CLDN18: variants seen among roughly 807,000 people sequenced by gnomAD.
CLDN18 encodes claudin 18.
Under a neutral mutation model 25.0 loss-of-function variants are expected in CLDN18, and 20 were observed. The ratio of observed to expected loss-of-function variants is 0.80; its 90% CI spans 0.56 to 1.16. The LOEUF (loss-of-function observed/expected upper bound fraction) is 1.16. Ranked by LOEUF, CLDN18 falls within the 50% of genes most tolerant of loss-of-function variation. The pLI is 0.00. For missense variants in CLDN18, 297 were observed against 345.4 expected, an observed-to-expected ratio of 0.86 and a Z score of 1.11; for synonymous variants, 125 against 135.6, an observed-to-expected ratio of 0.92 and a Z score of 0.54.
intron 1 of CLDN18, among the ~76,000 whole-genome samples, chr3:138,022,338 C>T (rs898864143): frequency 4.6e-5 from 7 of 152,152 alleles, no homozygotes; most frequent in Non-Finnish European, 7.3e-5. Context: ...TATTACTACT[C>T]AAAGTAGGGC....
At position 138,032,610 on chromosome 3, in the gene CLDN18, TTTG is replaced by T. The variant is rs1177953817; in HGVS notation, c.*1472_*1474del. 6.6e-6 allele frequency: 1 copy of T among 152,106 alleles called. No homozygotes were observed. Among genetic ancestry groups the T allele is most frequent in the African/African-American group, 2.4e-5 (1 of 41,392 alleles). 9.4% of individuals were successfully genotyped at this position (152,106 alleles called of 1,614,324 possible). ...GCACTTTCCTGGCACTGTGGTCGGT[TTTG>T]TTTTGTTTTGCTTTGTTTAGAGACG... On this transcript the variant is annotated 3_prime_UTR_variant, in exon 5 of 5. Coordinates refer to ENST00000183605, the MANE Select transcript of CLDN18 (RefSeq NM_016369.4).
intron 4 of CLDN18, among the ~76,000 whole-genome samples, chr3:138,030,140 TC>T (rs750173657): frequency 4.6e-5 from 7 of 152,218 alleles, no homozygotes; most frequent in Non-Finnish European, 8.8e-5. Context: ...CCTTCTTTGT[TC>T]CTTCTGAGAT....
chr3:138,028,766 A>G (rs1271439256), intron 3 of CLDN18, among the ~76,000 whole-genome samples: 1 of 152,152 alleles, frequency 6.6e-6, no homozygotes, highest in Non-Finnish European at 1.5e-5. Flanking sequence ...CCCAATCCTG[A>G]TCTGATGTAA....
rs995848686 is a variant in CLDN18 at position 138,033,255 on chromosome 3, C to T, written c.*2114C>T. On this transcript the variant is annotated 3_prime_UTR_variant, in exon 5 of 5. Transcript: ENST00000183605. ...CAAACCAGAGGAAGTATTTGTGGAA[C>T]TCACTGCCTCAGTTTGGGTAAAGGA... 3.3e-5 allele frequency: 5 copies of T among 152,210 alleles called. No homozygotes were observed. Among genetic ancestry groups the T allele is most frequent in the African/African-American group, 1.2e-4 (5 of 41,444 alleles). The allele number at this position is 152,210 out of a possible 1,614,324, so 9.4% of individuals were successfully genotyped here. A position where few individuals can be genotyped will look rare whatever the true frequency, so the allele number is the denominator to read the frequency against.
intron 4 of CLDN18, among the ~76,000 whole-genome samples, chr3:138,030,448 G>A (rs554499891): frequency 6.6e-6 from 1 of 152,326 alleles, no homozygotes; most frequent in South Asian, 2.1e-4. Context: ...TTCTGCTACT[G>A]ACCAGCCCTG....
intron 3 of CLDN18, 72 bp from the exon 4 acceptor site, chr3:138,029,725 A>C: frequency 2.2e-6 from 2 of 895,854 alleles, no homozygotes; most frequent in Admixed American, 2.8e-5. Context: ...AAGAACAGGC[A>C]CAGCCAGGTG....
chr3:138,017,412 TAC>T (rs1942219114), intron 1 of CLDN18, among the ~76,000 whole-genome samples: 1 of 152,134 alleles, frequency 6.6e-6, no homozygotes. Flanking sequence ...ACTGGAGAGT[TAC>T]AGAGTTTCCT....
intron 1 of CLDN18, among the ~76,000 whole-genome samples, chr3:138,023,436 G>A (rs1942291631): frequency 6.6e-6 from 1 of 152,212 alleles, no homozygotes; most frequent in African/African-American, 2.4e-5. Flanking sequence ...ACATCTGAGT[G>A]CATGTCCTTC....
intron 1 of CLDN18, among the ~76,000 whole-genome samples, chr3:138,001,744 C>A (rs1942018282): frequency 6.6e-6 from 1 of 152,034 alleles, no homozygotes; most frequent in African/African-American, 2.4e-5. Flanking sequence ...ATTATAGAAG[C>A]CCTTTTAAAA....
chr3:138,002,764 T>C (rs778771028), intron 1 of CLDN18, among the ~76,000 whole-genome samples: 2 of 152,208 alleles, frequency 1.3e-5, no homozygotes, highest in South Asian at 2.1e-4. Flanking sequence ...GTCACCTTCC[T>C]GGGCAAAGTC....
chr3:138,006,979 G>T (rs1208218495), upstream of CLDN18, among the ~76,000 whole-genome samples: 1 of 151,572 alleles, frequency 6.6e-6, no homozygotes, highest in Admixed American at 6.6e-5. Context: ...TAGGGAAACT[G>T]GGGGGGGAAT....
chr3:138,026,042 C>A (rs1217498350), intron 3 of CLDN18, among the ~76,000 whole-genome samples: 4 of 152,208 alleles, frequency 2.6e-5, no homozygotes, highest in African/African-American at 9.6e-5. Flanking sequence ...CATGGATGGG[C>A]AGCTGTCTTT....
chr3:138,001,584 CGCCCAG>C (rs1259714781), intron 1 of CLDN18, among the ~76,000 whole-genome samples: 1 of 152,102 alleles, frequency 6.6e-6, no homozygotes, highest in Non-Finnish European at 1.5e-5. Flanking sequence ...CAAGGTGATT[CGCCCAG>C]GCTCAAAGAT....
chr3:138,026,683 T>C (rs9809036), intron 3 of CLDN18, among the ~76,000 whole-genome samples: 54,967 of 152,020 alleles, frequency 0.36, 11,498 homozygotes, highest in Middle Eastern at 0.57. Context: ...GGTTAAGGGC[T>C]GGTTTTCTCA....
At chr3:138,002,741 C>T (rs945474322) in intron 1 of CLDN18, among the ~76,000 whole-genome samples, 2 of 152,178 alleles carry the variant, frequency 1.3e-5, no homozygotes, top group African/African-American at 4.8e-5. Flanking sequence ...AAACCCTAGG[C>T]ATAGAACTGG....
chr3:138,023,924 C>T, intron 2 of CLDN18, 102 bp downstream of exon 2: 1 of 1,174,594 alleles, frequency 8.5e-7, no homozygotes, highest in Non-Finnish European at 1.2e-6. Context: ...TGGTTCAGAA[C>T]TTTTCATACT....
rs766775832 is a variant in CLDN18, at chr3:138,010,367, G to A, written c.142G>A (p.Gly48Arg). The A allele has an allele frequency of 3.1e-6, 5 of 1,614,238 alleles. No individual in the cohort carries two copies. The highest frequency in any genetic ancestry group is 4.2e-6 in the Non-Finnish European group (5 of 1,180,040). The change falls in exon 1 of 5, where the codon GGG (glycine) becomes AGG (arginine). Residue 48 changes from glycine (G) to arginine (R), a missense_variant. Gly to Arg is a moderately radical substitution (Grantham distance 125). Transcript: ENST00000183605. ...NPVTSVFQYE[G>R]LWRSCVRQSS... The stretch of plus-strand genomic sequence containing the variant: ...CGTCACCTCCGTGTTCCAGTACGAA[G>A]GGCTCTGGAGGAGCTGCGTGAGGCA...
intron 1 of CLDN18, among the ~76,000 whole-genome samples, chr3:138,019,924 C>T (rs1942252447): frequency 6.6e-6 from 1 of 152,220 alleles, no homozygotes; most frequent in Non-Finnish European, 1.5e-5. Context: ...GGGAAGAATG[C>T]TGTAGTCACA....
At position 138,032,814 on chromosome 3, in the gene CLDN18, T is replaced by C. The variant is rs1942412770; in HGVS notation, c.*1673T>C. 1 of 152,214 alleles carries C rather than the reference T, an allele frequency of 6.6e-6. No homozygotes were observed. The highest frequency in any genetic ancestry group is 1.5e-5 in the Non-Finnish European group (1 of 68,038). 9.4% of individuals were successfully genotyped at this position (152,214 alleles called of 1,614,324 possible). ...CACCTAGAGTGGTTGGACCATCAGA[T>C]GTTTGGGCAAAACTGAAAGCTCTTT... is the stretch of plus-strand genomic sequence containing the variant. On this transcript the variant is annotated 3_prime_UTR_variant, in exon 5 of 5. Coordinates refer to ENST00000183605, the MANE Select transcript of CLDN18 (RefSeq NM_016369.4).
Sources: gnomAD v4.1 joint callset for allele counts (sites outside exome capture counted in the v4.1 genomes callset) on GRCh38, gnomAD v4.1.1 for gene constraint, MANE v1.5 for transcripts, NCBI Gene and HGNC (gene_info 2026-07-23, HGNC 2026-07-21) for gene names.